WSCD2: variants seen among roughly 807,000 people sequenced by gnomAD.
WSCD2 encodes WSC domain sialate O sulfotransferase 2, also known as sialate:O-sulfotransferase 2.
In WSCD2, 28 loss-of-function variants were observed where a neutral mutation model predicts 55.7. The observed-to-expected ratio is 0.50, with a 90% CI of 0.37 to 0.69. The LOEUF (loss-of-function observed/expected upper bound fraction) is 0.69. Among genes scored for constraint, WSCD2 ranks in the 30% least tolerant of loss-of-function variants. The pLI is 0.00. For missense variants in WSCD2, 616 were observed against 762.1 expected (o/e 0.81, Z 2.26); for synonymous variants, 301 against 301.9 (o/e 1.00, Z 0.03).
chr12:108,160,916 C>T lies in WSCD2; in HGVS notation c.-552+30990C>T, dbSNP rs531302136. ...CTTTGCAACCCCTGGCCTTGTCCCA[C>T]CACCTTCCTGAGCTTCAGTTTCCTC... On this transcript the variant is annotated intron_variant, in intron 1 of 8. Coordinates refer to ENST00000547525, the MANE Select transcript of WSCD2 (RefSeq NM_014653.4). Among the ~76,000 whole-genome samples, 331 of 152,314 alleles carry T rather than the reference C, an allele frequency of 2.2e-3. 1 individual carries two copies. Among genetic ancestry groups the T allele is most frequent in the African/African-American group, 7.6e-3 (317 of 41,562 alleles).
rs1422370085 is a variant in WSCD2, at chr12:108,129,479, G to A, written c.-999G>A. The A allele has an allele frequency of 6.6e-6, 1 of 151,508 alleles. No homozygotes were observed. The highest frequency in any genetic ancestry group is 6.6e-5 in the Admixed American group (1 of 15,228). The allele number at this position is 151,508 out of a possible 1,614,324, so 9.4% of individuals were successfully genotyped here. A position where few individuals can be genotyped will look rare whatever the true frequency, so the allele number is the denominator to read the frequency against. On this transcript the variant is annotated 5_prime_UTR_variant, in exon 1 of 9. Transcript: ENST00000547525. ...CGGGCCCGGGCATCTCCATCCCCGG[G>A]GCGGGTGCCCGCGCGGGGCCTCGCC...
chr12:108,147,095 G>A (rs141122076), intron 1 of WSCD2, among the ~76,000 whole-genome samples: 9 of 152,112 alleles, frequency 5.9e-5, no homozygotes, highest in Non-Finnish European at 7.3e-5. Flanking sequence ...ATGTGTAACC[G>A]GCCTGGGAAA....
intron 1 of WSCD2, among the ~76,000 whole-genome samples, chr12:108,132,226 G>T (rs1418785742): frequency 6.6e-6 from 1 of 152,194 alleles, no homozygotes; most frequent in Non-Finnish European, 1.5e-5. Context: ...CCAGTGACAT[G>T]GAGTGAATTC....
At chr12:108,234,907 G>T (rs896825670) in intron 7 of WSCD2, among the ~76,000 whole-genome samples, 1 of 152,104 alleles carries the variant, frequency 6.6e-6, no homozygotes, top group Non-Finnish European at 1.5e-5. Context: ...AGATTCTGAG[G>T]TTCTTCTATT....
intron 1 of WSCD2, among the ~76,000 whole-genome samples, chr12:108,146,217 A>G (rs1268055900): frequency 6.6e-6 from 1 of 152,218 alleles, no homozygotes; most frequent in Non-Finnish European, 1.5e-5. Flanking sequence ...ATCCCCCAAG[A>G]TAATTATCTT....
intron 4 of WSCD2, among the ~76,000 whole-genome samples, chr12:108,218,125 A>G (rs898357573): frequency 3.3e-5 from 5 of 152,302 alleles, no homozygotes; most frequent in Admixed American, 1.3e-4. Flanking sequence ...ATCCATGTCC[A>G]TCTCTGAATG....
At chr12:108,222,211 A>G (rs1431522103) in intron 4 of WSCD2, among the ~76,000 whole-genome samples, 1 of 152,202 alleles carries the variant, frequency 6.6e-6, no homozygotes, top group African/African-American at 2.4e-5. Context: ...TACACTCTAG[A>G]TAGACCCAGA....
chr12:108,231,876 T>A, intron 6 of WSCD2, among the ~76,000 whole-genome samples: 1 of 148,780 alleles, frequency 6.7e-6, no homozygotes, highest in African/African-American at 2.5e-5. Flanking sequence ...GCCCAGGGAG[T>A]CAGGAAAAGA....
At chr12:108,130,869 T>C (rs1875436675) in intron 1 of WSCD2, among the ~76,000 whole-genome samples, 1 of 152,220 alleles carries the variant, frequency 6.6e-6, no homozygotes, top group Non-Finnish European at 1.5e-5. Context: ...CTGAGCCCCA[T>C]GCACAGCTCA....
rs1050572912 is a variant in WSCD2 at position 108,196,463 on chromosome 12, A to G, written c.382+249A>G. 5 of 511,010 alleles carry G rather than the reference A, an allele frequency of 9.8e-6. No homozygotes were observed. In the Admixed American group the frequency reaches 1.5e-4, roughly 15 times the overall value. The allele number at this position is 511,010 out of a possible 1,614,324, so 31.7% of individuals were successfully genotyped here. On this transcript the variant is annotated intron_variant, in intron 2 of 8. Transcript: ENST00000547525. The stretch of plus-strand genomic sequence containing the variant: ...AAGTTTGGATTTGAACTCCACATCT[A>G]TCAGAGGTCAAAGTCTGACTCTCCC...
At chr12:108,242,960 C>T (rs55647123) in intron 8 of WSCD2, among the ~76,000 whole-genome samples, 1 of 152,222 alleles carries the variant, frequency 6.6e-6, no homozygotes, top group Non-Finnish European at 1.5e-5. Flanking sequence ...GAGAAGGGAT[C>T]TTCTCCAAGT....
intron 1 of WSCD2, among the ~76,000 whole-genome samples, chr12:108,131,285 A>G (rs1293636744): frequency 1.3e-5 from 2 of 152,214 alleles, no homozygotes; most frequent in Non-Finnish European, 2.9e-5. Flanking sequence ...TGCTTCTCAA[A>G]AATGAAGAGA....
In WSCD2 at chr12:108,134,026, T is replaced by G. The variant is rs181199150; in HGVS notation, c.-552+4100T>G. Among the ~76,000 whole-genome samples, 55 of 152,258 alleles carry G rather than the reference T, an allele frequency of 3.6e-4. 1 individual carries two copies. The highest frequency in any genetic ancestry group is 1.2e-3 in the African/African-American group (51 of 41,556). On this transcript the variant is annotated intron_variant, in intron 1 of 8. Coordinates refer to ENST00000547525, the MANE Select transcript of WSCD2 (RefSeq NM_014653.4). ...GTCCAGATGTTGGGAAGATAGGGAC[T>G]GTGGTGGGGTATGGGTGGGTCTCTG... is the stretch of plus-strand genomic sequence containing the variant.
At position 108,130,646 on chromosome 12, in the gene WSCD2, A is replaced by G. The variant is rs74887124; in HGVS notation, c.-552+720A>G. Among the ~76,000 whole-genome samples, 329 of 152,256 alleles carry G rather than the reference A, an allele frequency of 2.2e-3. 3 individuals are homozygous for G. Among genetic ancestry groups the G allele is most frequent in the African/African-American group, 7.5e-3 (313 of 41,542 alleles). Reference sequence around the variant, plus strand: ...CACCTCCTTGGCAGAACCACTAGGAAGGGTGGAGGTCACTTCCTAATTCTT... The same window carrying G: ...CACCTCCTTGGCAGAACCACTAGGAGGGGTGGAGGTCACTTCCTAATTCTT... On this transcript the variant is annotated intron_variant, in intron 1 of 8. Transcript: ENST00000547525.
Position 108,196,136 on chromosome 12 carries a change from G to C in WSCD2, c.304G>C (p.Ala102Pro), listed in dbSNP as rs537846849. ...CAAGGGCAAGGATGGGAATGAGAGA[G>C]CCAAGCTTGGCGACTACGGTGGAGC... ...WFKGKDGNER[A>P]KLGDYGGAWS... Residue 102 changes from alanine to proline, a missense_variant, in exon 2 of 9, where the codon GCC becomes CCC. Ala to Pro is a conservative substitution (Grantham distance 27). Coordinates refer to ENST00000547525, the MANE Select transcript of WSCD2 (RefSeq NM_014653.4). The C allele has an allele frequency of 8.7e-6, 14 of 1,614,180 alleles. No homozygotes were observed. The highest frequency in any genetic ancestry group is 1.2e-5 in the Non-Finnish European group (14 of 1,180,032).
At chr12:108,222,845 T>C (rs150374697) in intron 4 of WSCD2, among the ~76,000 whole-genome samples, 146 of 152,368 alleles carry the variant, frequency 9.6e-4, no homozygotes, top group African/African-American at 3.4e-3. Context: ...AAATTACCTA[T>C]ATTCCTACTT....
At chr12:108,240,056 T>C (rs1468507987) in intron 7 of WSCD2, among the ~76,000 whole-genome samples, 1 of 152,194 alleles carries the variant, frequency 6.6e-6, no homozygotes, top group African/African-American at 2.4e-5. Flanking sequence ...TTTGTAACAC[T>C]CACCAGGGCA....
intron 8 of WSCD2, 51 bp from the exon 9 acceptor site, chr12:108,247,940 T>C: frequency 6.4e-7 from 1 of 1,569,172 alleles, no homozygotes; most frequent in Non-Finnish European, 8.7e-7. Flanking sequence ...TCTGACTGGG[T>C]CTTTCAAACT....
At chr12:108,132,389 G>A (rs1875663832) in intron 1 of WSCD2, among the ~76,000 whole-genome samples, 1 of 152,154 alleles carries the variant, frequency 6.6e-6, no homozygotes, top group South Asian at 2.1e-4. Context: ...TGCAGGTGTG[G>A]GCTCATGTGC....
Sources: gnomAD v4.1 joint callset for allele counts (sites outside exome capture counted in the v4.1 genomes callset) on GRCh38, gnomAD v4.1.1 for gene constraint, MANE v1.5 for transcripts, NCBI Gene and HGNC (gene_info 2026-07-23, HGNC 2026-07-21) for gene names.